The following LRRC4C variants were observed in gnomAD, a reference collection of about 807,000 sequenced individuals.
LRRC4C encodes the protein leucine rich repeat containing 4C.
A neutral mutation model predicts 33.6 loss-of-function variants in LRRC4C; 5 were observed. The observed-to-expected ratio is 0.15, with a 90% CI of 0.08 to 0.31. LRRC4C has a LOEUF of 0.31. Among genes scored for constraint, LRRC4C ranks in the 10% least tolerant of loss-of-function variants. The probability of loss-of-function intolerance (pLI) is 1.00; values close to 1 mark genes in which losing one functional copy is unlikely to be tolerated. For missense variants in LRRC4C, 560 were observed against 796.7 expected, an observed-to-expected ratio of 0.70 and a Z score of 3.58; for synonymous variants, 329 against 302.0, an observed-to-expected ratio of 1.09 and a Z score of -0.93.
At chr11:40,766,649 CTT>C (rs1356481869) in intron 2 of LRRC4C, among the ~76,000 whole-genome samples, 1 of 152,020 alleles carries the variant, frequency 6.6e-6, no homozygotes, top group African/African-American at 2.4e-5. Context: ...TTAGATTTCT[CTT>C]TGACACATGT....
At chr11:40,254,870 C>T (rs900272268) in intron 4 of LRRC4C, among the ~76,000 whole-genome samples, 1 of 152,086 alleles carries the variant, frequency 6.6e-6, no homozygotes, top group Non-Finnish European at 1.5e-5. Flanking sequence ...GTGCAGTGGT[C>T]CAATTATAGC....
chr11:40,554,929 G>C (rs1957275865), intron 3 of LRRC4C, among the ~76,000 whole-genome samples: 1 of 143,874 alleles, frequency 7.0e-6, no homozygotes, highest in South Asian at 2.1e-4. Context: ...CACCGTGTTA[G>C]CCAGGATGGT....
intron 3 of LRRC4C, among the ~76,000 whole-genome samples, chr11:40,582,678 G>A (rs1364226230): frequency 6.6e-6 from 1 of 151,824 alleles, no homozygotes; most frequent in Non-Finnish European, 1.5e-5. Flanking sequence ...CACCATGCCT[G>A]ACTAATTTTT....
intron 4 of LRRC4C, among the ~76,000 whole-genome samples, chr11:40,313,537 T>C (rs1054898651): frequency 6.7e-6 from 1 of 148,518 alleles, no homozygotes; most frequent in Non-Finnish European, 1.5e-5. Flanking sequence ...TGGATCAAAG[T>C]CCTAAATGTA....
At chr11:41,432,420 G>A (rs1397189507) in intron 1 of LRRC4C, among the ~76,000 whole-genome samples, 1 of 152,122 alleles carries the variant, frequency 6.6e-6, no homozygotes, top group Non-Finnish European at 1.5e-5. Context: ...ACAAATCTAG[G>A]TGAGGAGGAT....
At chr11:41,024,012 A>AT (rs902687376) in intron 1 of LRRC4C, among the ~76,000 whole-genome samples, 4 of 151,448 alleles carry the variant, frequency 2.6e-5, no homozygotes, top group South Asian at 2.1e-4. Flanking sequence ...AGCAATTAAC[A>AT]TTTTTTTTCT....
At chr11:40,942,170 G>A (rs1023859430) in intron 1 of LRRC4C, among the ~76,000 whole-genome samples, 12 of 152,140 alleles carry the variant, frequency 7.9e-5, no homozygotes, top group African/African-American at 2.9e-4. Context: ...TTGAGATGAA[G>A]TTGCACATTA....
intron 1 of LRRC4C, among the ~76,000 whole-genome samples, chr11:41,304,730 GC>G (rs1950423883): frequency 1.1e-5 from 1 of 90,274 alleles, no homozygotes; most frequent in African/African-American, 4.4e-5. Context: ...GGGGGTATCA[GC>G]CCCCCGCCCG....
intron 4 of LRRC4C, among the ~76,000 whole-genome samples, chr11:40,249,571 T>C (rs1160418308): frequency 6.7e-6 from 1 of 149,592 alleles, no homozygotes; most frequent in Non-Finnish European, 1.5e-5. Context: ...ATACTACATA[T>C]AATCATATAT....
intron 4 of LRRC4C, among the ~76,000 whole-genome samples, chr11:40,261,563 A>G (rs1180460303): frequency 6.6e-6 from 1 of 152,182 alleles, no homozygotes; most frequent in South Asian, 2.1e-4. Flanking sequence ...TCTTTGTGAT[A>G]AAAACAAGTT....
At chr11:41,175,960 G>A (rs1345364333) in intron 1 of LRRC4C, among the ~76,000 whole-genome samples, 1 of 152,056 alleles carries the variant, frequency 6.6e-6, no homozygotes, top group African/African-American at 2.4e-5. Flanking sequence ...ATTTCTACCA[G>A]TAGGACTTCT....
At position 40,115,052 on chromosome 11, in the gene LRRC4C, G is replaced by A. The variant is rs753647168; in HGVS notation, c.1241C>T (p.Thr414Ile). Residue 414 changes from threonine to isoleucine, a missense_variant, in exon 7 of 7, where the codon ACA (threonine) becomes ATA (isoleucine). By Grantham distance (89) the Thr-to-Ile change is moderately conservative. Around this residue, in one of 3 missense-constraint regions of LRRC4C, gnomAD observed 455 missense variants for 643.8 expected, o/e 0.71. Transcript: ENST00000528697. The surrounding 1 kb of genome is among the most constrained non-coding windows in gnomAD (Gnocchi z 6.7). ...GCCTGTATCTTGCACAGTTACATTT[G>A]TGAAATTTAACGTACCATCACTGAG... ...AVLSDGTLNF[T>I]NVTVQDTGMY... 1 of 1,614,210 alleles carries A rather than the reference G, an allele frequency of 6.2e-7. No homozygotes were observed. The highest frequency in any genetic ancestry group is 8.5e-7 in the Non-Finnish European group (1 of 1,180,036).
intron 2 of LRRC4C, among the ~76,000 whole-genome samples, chr11:40,890,838 G>A (rs1402734397): frequency 6.6e-6 from 1 of 151,724 alleles, no homozygotes; most frequent in Non-Finnish European, 1.5e-5. Flanking sequence ...TAAAATAAGA[G>A]CAACAAGGCT....
At chr11:41,108,607 G>GT (rs1395368462) in intron 1 of LRRC4C, among the ~76,000 whole-genome samples, 1 of 152,052 alleles carries the variant, frequency 6.6e-6, no homozygotes, top group Non-Finnish European at 1.5e-5. Flanking sequence ...CCATTAATTT[G>GT]TATATTGTAT....
At chr11:40,785,245 G>T (rs923817059) in intron 2 of LRRC4C, among the ~76,000 whole-genome samples, 1 of 152,154 alleles carries the variant, frequency 6.6e-6, no homozygotes, top group African/African-American at 2.4e-5. Context: ...AGATTTATGA[G>T]TAATAACAAA....
intron 2 of LRRC4C, among the ~76,000 whole-genome samples, chr11:40,717,167 A>C (rs944977706): frequency 2.0e-5 from 3 of 152,158 alleles, no homozygotes; most frequent in Non-Finnish European, 2.9e-5. Context: ...TGGTGAGGGC[A>C]AATTCCGTTT....
chr11:41,159,308 T>C (rs984005809), intron 1 of LRRC4C, among the ~76,000 whole-genome samples: 1 of 151,706 alleles, frequency 6.6e-6, no homozygotes, highest in Non-Finnish European at 1.5e-5. Context: ...AATAAATACA[T>C]AAAAATAAAA....
At chr11:40,710,293 C>G (rs1190170021) in intron 2 of LRRC4C, among the ~76,000 whole-genome samples, 1 of 152,242 alleles carries the variant, frequency 6.6e-6, no homozygotes, top group South Asian at 2.1e-4. Flanking sequence ...GAATTTTCAG[C>G]TTTTCTTCTC....
At chr11:41,078,194 T>G (rs1451768430) in intron 1 of LRRC4C, among the ~76,000 whole-genome samples, 1 of 152,212 alleles carries the variant, frequency 6.6e-6, no homozygotes, top group Non-Finnish European at 1.5e-5. Context: ...TCCCACATCT[T>G]CCTTTCTTCT....
Sources: allele counts gnomAD v4.1 joint callset (sites outside exome capture counted in the v4.1 genomes callset), GRCh38; gene constraint gnomAD v4.1.1; regional missense constraint gnomAD v4.1.1; non-coding constraint Gnocchi (gnomAD v3.1); transcripts MANE v1.5; gene names NCBI Gene and HGNC (gene_info 2026-07-23, HGNC 2026-07-21).